The following NEK1 variants were observed in gnomAD, a reference collection of about 807,000 sequenced individuals.
NEK1 encodes serine/threonine-protein kinase Nek1.
A neutral mutation model predicts 182.1 loss-of-function variants in NEK1; 137 were observed. The observed-to-expected ratio is 0.75, with a 90% CI of 0.65 to 0.87. NEK1 has a LOEUF of 0.87. Among genes scored for constraint, NEK1 ranks in the 40% least tolerant of loss-of-function variants. The pLI is 0.00. For synonymous variants in NEK1, 513 were observed against 492.2 expected (o/e 1.04, Z -0.56); for missense variants, 1,391 against 1,494.4 (o/e 0.93, Z 1.14).
intron 12 of NEK1, among the ~76,000 whole-genome samples, chr4:169,565,629 G>C (rs1203706928): frequency 6.6e-6 from 1 of 152,154 alleles, no homozygotes; most frequent in South Asian, 2.1e-4. Context: ...AAAAGAAAAT[G>C]AAGTACTGAT....
At chr4:169,606,389 A>G (rs1489491534) in intron 2 of NEK1, among the ~76,000 whole-genome samples, 1 of 151,834 alleles carries the variant, frequency 6.6e-6, no homozygotes, top group East Asian at 1.9e-4. Flanking sequence ...GGCAAACACA[A>G]AAGAACATGC....
At chr4:169,529,476 A>G (rs1019093306) in intron 19 of NEK1, among the ~76,000 whole-genome samples, 5 of 152,114 alleles carry the variant, frequency 3.3e-5, no homozygotes, top group Non-Finnish European at 7.4e-5. Context: ...AAACTATAAA[A>G]ACTTTAGAAG....
At chr4:169,435,752 T>C (rs1738296852) in intron 28 of NEK1, among the ~76,000 whole-genome samples, 1 of 152,112 alleles carries the variant, frequency 6.6e-6, no homozygotes, top group Non-Finnish European at 1.5e-5. Flanking sequence ...GAATAAGCCC[T>C]GCCAATATGC....
intron 23 of NEK1, among the ~76,000 whole-genome samples, chr4:169,502,367 TC>T (rs1398942371): frequency 6.6e-6 from 1 of 151,966 alleles, no homozygotes; most frequent in Non-Finnish European, 1.5e-5. Context: ...GAGAGATTCC[TC>T]CCTAACTCAT....
intron 30 of NEK1, 73 bp from the exon 31 acceptor site, chr4:169,424,873 C>T (rs939222001): frequency 1.0e-5 from 14 of 1,406,214 alleles, no homozygotes; most frequent in Middle Eastern, 1.9e-4. Flanking sequence ...TGATAAGGCA[C>T]AGTATGTAAC....
At chr4:169,536,122 C>T (rs1412066046) in intron 19 of NEK1, among the ~76,000 whole-genome samples, 1 of 151,532 alleles carries the variant, frequency 6.6e-6, no homozygotes, top group African/African-American at 2.4e-5. Context: ...TGGTGAAACC[C>T]CATCTTTACT....
rs886059224 is a variant in NEK1, at chr4:169,394,354, G to A, written c.*156C>T. The A allele has an allele frequency of 3.7e-4, 196 of 523,126 alleles. 1 individual carries two copies. Among genetic ancestry groups the A allele is most frequent in the Non-Finnish European group, 2.2e-4 (64 of 290,672 alleles). The allele number at this position is 523,126 out of a possible 1,614,324, so 32.4% of individuals were successfully genotyped here. On this transcript the variant is annotated 3_prime_UTR_variant, in exon 36 of 36. Coordinates refer to ENST00000507142, the MANE Select transcript of NEK1 (RefSeq NM_001199397.3). ...AATATTAGAATCTTCACTGAAAAATGGCATGTTTCTCCATCTTTTTCATGC... is the reference window on the plus strand; with the variant it reads ...AATATTAGAATCTTCACTGAAAAATAGCATGTTTCTCCATCTTTTTCATGC...
intron 2 of NEK1, among the ~76,000 whole-genome samples, chr4:169,602,983 T>C (rs1377423837): frequency 6.6e-6 from 1 of 152,156 alleles, no homozygotes; most frequent in Admixed American, 6.5e-5. Context: ...CATTACTTTA[T>C]TTTCTCCAAA....
At position 169,432,183 on chromosome 4, in the gene NEK1, C is replaced by G. The variant is rs1281123692; in HGVS notation, c.2885+1362G>C. On this transcript the variant is annotated intron_variant, in intron 29 of 35. Coordinates refer to ENST00000507142, the MANE Select transcript of NEK1 (RefSeq NM_001199397.3). ...CTATCATAAGAGCTAGACAAACTAA[C>G]AGCCCAAACAGATATACTATTTTTT... 6.6e-5 allele frequency among the ~76,000 whole-genome samples: 10 copies of G among 152,196 alleles called. No homozygotes were observed. In the South Asian group the frequency reaches 2.1e-3, roughly 32 times the overall value.
rs548546328 is a variant in NEK1 at position 169,576,051 on chromosome 4, G to A, written c.1020+877C>T. ...CACTCTTTGGCTCACTGCAACCTCC[G>A]CCTCCCCGGTTCAAGTGATTCTCCC... is the stretch of plus-strand genomic sequence containing the variant. On this transcript the variant is annotated intron_variant, in intron 12 of 35. Coordinates refer to ENST00000507142, the MANE Select transcript of NEK1 (RefSeq NM_001199397.3). 4.6e-5 allele frequency among the ~76,000 whole-genome samples: 7 copies of A among 151,132 alleles called. No individual in the cohort carries two copies. The South Asian group carries it at 8.4e-4, about 18-fold the overall frequency.
chr4:169,562,219 A>C (rs770647986), intron 12 of NEK1, 23 bp from the exon 13 acceptor site: 7 of 1,479,720 alleles, frequency 4.7e-6, no homozygotes, highest in African/African-American at 1.4e-5. Flanking sequence ...TAAAACTACA[A>C]ATTAAATAAA....
In NEK1 at chr4:169,576,930, G is replaced by A. The variant is rs1336992849; in HGVS notation, c.1018C>T (p.Gln340Ter). The change falls in exon 12 of 36, where the codon CAG (glutamine) becomes TAG (stop). Residue 340 changes from glutamine to a stop codon, truncating the protein, a stop_gained and splice_region_variant. Transcript: ENST00000507142. LOFTEE classifies it high-confidence loss of function. ...HEKKPLQKHK[Q>*]AHQTPEKRVN... ...CATGGTATGTAACATGATCATACCT[G>A]TTTATGTTTTTGCAGTGGTTTCTTT... 6.3e-7 allele frequency: 1 copy of A among 1,597,988 alleles called. No individual in the cohort carries two copies. The highest frequency in any genetic ancestry group is 8.5e-7 in the Non-Finnish European group (1 of 1,171,942).
chr4:169,413,519 A>G (rs1285045577), intron 31 of NEK1, among the ~76,000 whole-genome samples: 2 of 152,224 alleles, frequency 1.3e-5, no homozygotes, highest in East Asian at 3.8e-4. Context: ...GCAATGCAGG[A>G]AGTACTTCAC....
intron 5 of NEK1, among the ~76,000 whole-genome samples, chr4:169,595,636 G>T (rs1769309648): frequency 6.6e-6 from 1 of 152,076 alleles, no homozygotes; most frequent in South Asian, 2.1e-4. Context: ...AATATATGTG[G>T]AACCAGGCTG....
chr4:169,608,821 G>T (rs1034844703), intron 2 of NEK1, among the ~76,000 whole-genome samples: 1 of 152,080 alleles, frequency 6.6e-6, no homozygotes, highest in African/African-American at 2.4e-5. Context: ...CACTTTGGGA[G>T]GCCGAGGCAG....
At chr4:169,555,543 T>A in intron 18 of NEK1, 177 bp downstream of exon 18, 1 of 508,982 alleles carries the variant, frequency 2.0e-6, no homozygotes, top group Non-Finnish European at 3.3e-6. Flanking sequence ...GAAAGCTACA[T>A]GCTTTCAGAG....
At chr4:169,573,283 A>G (rs1209805640) in intron 12 of NEK1, among the ~76,000 whole-genome samples, 1 of 152,228 alleles carries the variant, frequency 6.6e-6, no homozygotes, top group Non-Finnish European at 1.5e-5. Context: ...TTCTCAGTGA[A>G]GTAGGAAGAA....
chr4:169,583,737 T>C (rs555975320), intron 10 of NEK1, among the ~76,000 whole-genome samples: 40 of 152,326 alleles, frequency 2.6e-4, no homozygotes, highest in African/African-American at 9.6e-4. Flanking sequence ...ATAATAAAAG[T>C]GTCCTCGCAA....
intron 26 of NEK1, among the ~76,000 whole-genome samples, chr4:169,475,721 A>C (rs1284562374): frequency 1.3e-5 from 2 of 152,288 alleles, no homozygotes; most frequent in South Asian, 4.1e-4. Context: ...ACTGTATTCC[A>C]TATGATCAAA....
Sources: gnomAD v4.1 joint callset for allele counts (sites outside exome capture counted in the v4.1 genomes callset) on GRCh38, gnomAD v4.1.1 for gene constraint, MANE v1.5 for transcripts, NCBI Gene and HGNC (gene_info 2026-07-23, HGNC 2026-07-21) for gene names.